MYO9A: variants seen among roughly 807,000 people sequenced by gnomAD.
The protein encoded by MYO9A is unconventional myosin-IXa.
Under a neutral mutation model 293.3 loss-of-function variants are expected in MYO9A, and 103 were observed. That is an observed-to-expected ratio of 0.35 (90% CI 0.30 to 0.41). The LOEUF is 0.41. Ranked by LOEUF, MYO9A falls within the 10% of genes least tolerant of loss-of-function variation. The pLI is 1.00. For synonymous variants in MYO9A, 1,001 were observed against 1,035.7 expected (o/e 0.97, Z 0.64); for missense variants, 2,685 against 3,033.0 (o/e 0.89, Z 2.69).
chr15:72,034,237 T>C (rs1034709151), intron 2 of MYO9A, among the ~76,000 whole-genome samples: 1 of 152,174 alleles, frequency 6.6e-6, no homozygotes, highest in Non-Finnish European at 1.5e-5. Context: ...CACAAAACTA[T>C]TGAATGAGAA....
intron 1 of MYO9A, among the ~76,000 whole-genome samples, chr15:72,071,051 A>G (rs1054163571): frequency 6.6e-6 from 1 of 152,214 alleles, no homozygotes; most frequent in Non-Finnish European, 1.5e-5. Flanking sequence ...AAAAACTGAC[A>G]ATCAGGCTTA....
chr15:72,007,559 T>C lies in MYO9A; in HGVS notation c.1380+267A>G, dbSNP rs3759817. 0.014 allele frequency among the ~76,000 whole-genome samples: 2,124 copies of C among 152,140 alleles called. 22 individuals carry two copies. The highest frequency in any genetic ancestry group is 0.025 in the East Asian group (130 of 5,166). ...GTCCAGTGTGGAAATATTCATCCTA[T>C]CCAGCAAATTTAGGGACTATGGATG... On this transcript the variant is annotated intron_variant, in intron 8 of 41. Transcript: ENST00000356056.
At chr15:72,022,718 T>G (rs1277460955) in intron 4 of MYO9A, among the ~76,000 whole-genome samples, 1 of 151,964 alleles carries the variant, frequency 6.6e-6, no homozygotes, top group African/African-American at 2.4e-5. Context: ...TGGCTAATTT[T>G]TGTATTTTTT....
At chr15:72,027,910 G>A (rs991726448) in intron 3 of MYO9A, 117 bp from the exon 4 acceptor site, 19 of 743,126 alleles carry the variant, frequency 2.6e-5, no homozygotes, top group Middle Eastern at 4.0e-4. Context: ...CAAAATATGC[G>A]CCATTGGCCG....
At position 71,880,451 on chromosome 15, in the gene MYO9A, G is replaced by A. The variant is rs2056839368; in HGVS notation, c.5506C>T (p.Arg1836Ter). ...GCCACGTTGCTAATCTTCACACTTC[G>A]CTTGCGCTTAGCCTTTGGAGAAGGT... ...KEPSPKAKRK[R>*]SVKISNVALD... Residue 1836 changes from arginine (R) to a stop codon, truncating the protein, a stop_gained, in exon 29 of 42, where the codon CGA becomes TGA. Coordinates refer to ENST00000356056, the MANE Select transcript of MYO9A (RefSeq NM_006901.4). LOFTEE classifies it high-confidence loss of function. The A allele has an allele frequency of 1.2e-6, 2 of 1,614,142 alleles. No homozygotes were observed. Among genetic ancestry groups the A allele is most frequent in the Admixed American group, 1.7e-5 (1 of 60,022 alleles).
chr15:72,050,175 A>G (rs1335995536), intron 1 of MYO9A, among the ~76,000 whole-genome samples: 1 of 151,570 alleles, frequency 6.6e-6, no homozygotes. Context: ...TTTTTTTACA[A>G]AAAGGAGGGT....
At chr15:72,044,389 G>A (rs1478508660) in intron 2 of MYO9A, among the ~76,000 whole-genome samples, 1 of 146,890 alleles carries the variant, frequency 6.8e-6, no homozygotes, top group Non-Finnish European at 1.5e-5. Context: ...CTGGCAAGAA[G>A]AGCAAAATTG....
chr15:71,975,929 C>T (rs2076132917), intron 12 of MYO9A, among the ~76,000 whole-genome samples: 2 of 152,166 alleles, frequency 1.3e-5, no homozygotes, highest in Admixed American at 1.3e-4. Context: ...CCAGGGAGGA[C>T]ATGGAGGCTC....
intron 1 of MYO9A, among the ~76,000 whole-genome samples, chr15:72,101,907 G>A (rs2080354949): frequency 6.6e-6 from 1 of 152,170 alleles, no homozygotes; most frequent in Non-Finnish European, 1.5e-5. Context: ...CCGCCCGGGA[G>A]GTGAGGGGCG....
intron 1 of MYO9A, among the ~76,000 whole-genome samples, chr15:72,049,576 C>G (rs1353393266): frequency 6.6e-6 from 1 of 152,190 alleles, no homozygotes; most frequent in Non-Finnish European, 1.5e-5. Context: ...GAAACTGGGC[C>G]GCACAGCAGA....
intron 37 of MYO9A, 113 bp downstream of exon 37, chr15:71,851,140 A>C: frequency 2.5e-6 from 2 of 813,552 alleles, no homozygotes; most frequent in Non-Finnish European, 3.8e-6. Flanking sequence ...CTGACTTTAT[A>C]AATAGAAGAA....
At position 71,919,841 on chromosome 15, in the gene MYO9A, C is replaced by CAA. The variant is rs373980359; in HGVS notation, c.2563-3351_2563-3350dup. On this transcript the variant is annotated intron_variant, in intron 18 of 41. Transcript: ENST00000356056. ...AGGGCGACAGAATAAGACTCCATCT[C>CAA]AAAAAAAAAAAAAAAAAAAAAGCTA... 9.8e-3 allele frequency among the ~76,000 whole-genome samples: 803 copies of CAA among 81,846 alleles called. 25 individuals are homozygous for CAA. Among genetic ancestry groups the CAA allele is most frequent in the Middle Eastern group, 0.016 (2 of 126 alleles). 53.7% of individuals were successfully genotyped at this position (81,846 alleles called of 152,430 possible).
chr15:71,877,307 G>T (rs936185469), intron 31 of MYO9A, among the ~76,000 whole-genome samples: 1 of 152,076 alleles, frequency 6.6e-6, no homozygotes, highest in Non-Finnish European at 1.5e-5. Flanking sequence ...AAATAAAAAG[G>T]TTATTATTAT....
At chr15:72,099,629 G>A (rs996114785) in intron 1 of MYO9A, among the ~76,000 whole-genome samples, 20 of 151,666 alleles carry the variant, frequency 1.3e-4, no homozygotes, top group East Asian at 3.9e-4. Context: ...AAGGCTGGGC[G>A]CGGTGGCTCA....
intron 8 of MYO9A, among the ~76,000 whole-genome samples, chr15:72,003,721 A>C (rs1367968257): frequency 6.6e-6 from 1 of 151,684 alleles, no homozygotes; most frequent in African/African-American, 2.4e-5. Flanking sequence ...AAAAAAAAAA[A>C]TAAGAACTCA....
At chr15:71,911,552 G>A (rs1164798763) in intron 19 of MYO9A, among the ~76,000 whole-genome samples, 2 of 152,148 alleles carry the variant, frequency 1.3e-5, no homozygotes, top group African/African-American at 2.4e-5. Context: ...GAGAGGAGTA[G>A]CAGCTTTACC....
chr15:72,045,569 A>T (rs1463050389), intron 2 of MYO9A, among the ~76,000 whole-genome samples, 155 bp downstream of exon 2: 1 of 152,138 alleles, frequency 6.6e-6, no homozygotes, highest in Non-Finnish European at 1.5e-5. Flanking sequence ...CCCAGCCCTA[A>T]ATGAGTTTTT....
intron 18 of MYO9A, among the ~76,000 whole-genome samples, chr15:71,919,301 C>T (rs1237181629): frequency 2.0e-5 from 3 of 151,528 alleles, no homozygotes; most frequent in African/African-American, 7.3e-5. Context: ...ATTAGCCAGG[C>T]GTGGTGGCGA....
chr15:72,086,434 G>C (rs1032331504), intron 1 of MYO9A, among the ~76,000 whole-genome samples: 14 of 151,750 alleles, frequency 9.2e-5, no homozygotes, highest in African/African-American at 3.4e-4. Context: ...TGGGGCACTG[G>C]CGGGGTGGGG....
Sources: allele counts gnomAD v4.1 joint callset (sites outside exome capture counted in the v4.1 genomes callset), GRCh38; gene constraint gnomAD v4.1.1; transcripts MANE v1.5; gene names NCBI Gene and HGNC (gene_info 2026-07-23, HGNC 2026-07-21).